RFX2: variants seen among roughly 807,000 people sequenced by gnomAD.
The protein encoded by RFX2 is DNA-binding protein RFX2.
A neutral mutation model predicts 87.8 loss-of-function variants in RFX2; 20 were observed. The ratio of observed to expected loss-of-function variants is 0.23; its 90% CI spans 0.16 to 0.33. RFX2 has a LOEUF of 0.33. Ranked by LOEUF, RFX2 falls within the 10% of genes least tolerant of loss-of-function variation. The pLI, the probability that RFX2 is intolerant of heterozygous loss-of-function variation, is 1.00. For missense variants in RFX2, 767 were observed against 1,012.3 expected, an observed-to-expected ratio of 0.76 and a Z score of 3.29; for synonymous variants, 397 against 431.3, an observed-to-expected ratio of 0.92 and a Z score of 0.98.
In RFX2 at chr19:5,998,299, C is replaced by T. The variant is rs1285005964; in HGVS notation, c.1860-1086G>A. On this transcript the variant is annotated intron_variant, in intron 15 of 17. Coordinates refer to ENST00000303657, the MANE Select transcript of RFX2 (RefSeq NM_000635.4). This position sits in a 1 kb window ranked among gnomAD's most constrained non-coding sequence, Gnocchi z 4.2. ...CTCTAGCCTGGGTGACAGAGCAACA[C>T]TCCATCTCAAAAAAAAAGAATGAAG... Among the ~76,000 whole-genome samples, 2 of 151,134 alleles carry T rather than the reference C, an allele frequency of 1.3e-5. No individual in the cohort carries two copies. The highest frequency in any genetic ancestry group is 3.0e-5 in the Non-Finnish European group (2 of 67,778).
At chr19:6,093,583 A>T (rs1310532857) in intron 1 of RFX2, among the ~76,000 whole-genome samples, 1 of 152,160 alleles carries the variant, frequency 6.6e-6, no homozygotes, top group Non-Finnish European at 1.5e-5. Context: ...TACTTAGGAC[A>T]GGAGTGGAAT....
Position 6,011,976 on chromosome 19 carries a change from T to C in RFX2, c.899+1010A>G, listed in dbSNP as rs2144699236. On this transcript the variant is annotated intron_variant, in intron 8 of 17. Coordinates refer to ENST00000303657, the MANE Select transcript of RFX2 (RefSeq NM_000635.4). The surrounding 1 kb of genome is among the most constrained non-coding windows in gnomAD (Gnocchi z 4.8). Reference sequence around the variant, plus strand: ...GGGCCAATTCTGCTGTTTGTTTTTATAAATAAAGTTTTACTGGCACACAGC... The same window carrying C: ...GGGCCAATTCTGCTGTTTGTTTTTACAAATAAAGTTTTACTGGCACACAGC... 6.6e-6 allele frequency: 1 copy of C among 152,400 alleles called. No individual in the cohort carries two copies. The highest frequency in any genetic ancestry group is 2.1e-4 in the South Asian group (1 of 4,830). 9.4% of individuals were successfully genotyped at this position (152,400 alleles called of 1,614,324 possible).
intron 1 of RFX2, chr19:6,109,282 C>A (rs1282804354): frequency 6.6e-6 from 1 of 152,050 alleles, no homozygotes; most frequent in African/African-American, 2.4e-5. Context: ...CGTGGAAAGA[C>A]TGGCGGACGC....
chr19:6,072,829 G>T lies in RFX2; in HGVS notation c.-8-25325C>A, dbSNP rs375976384. ...CTGTCTCCTCCTCAGCATCATGGCC[G>T]CCCTCAGACCCCTCGTGAAGCCCAA... On this transcript the variant is annotated intron_variant, in intron 1 of 17. Transcript: ENST00000303657. The T allele has an allele frequency of 1.0e-5, 13 of 1,269,412 alleles. No homozygotes were observed. The African/African-American group carries it at 1.3e-4, about 13-fold the overall frequency. 78.6% of individuals were successfully genotyped at this position (1,269,412 alleles called of 1,614,324 possible). A position where few individuals can be genotyped will look rare whatever the true frequency, so the allele number is the denominator to read the frequency against.
rs2086507308 is a variant in RFX2, at chr19:6,002,643, G to A, written c.1650+78C>T. On this transcript the variant is annotated intron_variant, in intron 14 of 17. Coordinates refer to ENST00000303657, the MANE Select transcript of RFX2 (RefSeq NM_000635.4). The surrounding 1 kb of genome is among the most constrained non-coding windows in gnomAD (Gnocchi z 6.7). ...CGGGGCAGGGGCCAGGTTGTGCCAC[G>A]GGCTCCACTTGGTGGGTTTGCTGGT... 7.7e-6 allele frequency: 12 copies of A among 1,559,084 alleles called. No individual in the cohort carries two copies. Among genetic ancestry groups the A allele is most frequent in the Admixed American group, 5.1e-5 (3 of 58,514 alleles).
At position 6,078,996 on chromosome 19, in the gene RFX2, G is replaced by C. The variant is rs530018260; in HGVS notation, c.-9+31397C>G. On this transcript the variant is annotated intron_variant, in intron 1 of 17. Coordinates refer to ENST00000303657, the MANE Select transcript of RFX2 (RefSeq NM_000635.4). ...TCACCATGTTGGCCAGGCTGGTCTCGAACTCCTGACCTCAAGAGAGCCACC... is the reference window on the plus strand; with the variant it reads ...TCACCATGTTGGCCAGGCTGGTCTCCAACTCCTGACCTCAAGAGAGCCACC... 1.5e-4 allele frequency among the ~76,000 whole-genome samples: 23 copies of C among 152,282 alleles called. No individual in the cohort carries two copies. The South Asian group carries it at 3.3e-3, about 22-fold the overall frequency.
intron 1 of RFX2, among the ~76,000 whole-genome samples, chr19:6,087,940 G>C (rs2087877362): frequency 6.6e-6 from 1 of 152,092 alleles, no homozygotes; most frequent in Admixed American, 6.5e-5. Context: ...TCATCATCTA[G>C]AGCAGTAATT....
At chr19:6,030,379 CAT>C (rs1476645801) in intron 5 of RFX2, among the ~76,000 whole-genome samples, 1 of 152,170 alleles carries the variant, frequency 6.6e-6, no homozygotes, top group Non-Finnish European at 1.5e-5. Flanking sequence ...GAAAAACCCA[CAT>C]GTCAATGAGC....
rs1209521898 is a variant in RFX2 at position 6,023,674 on chromosome 19, A to T, written c.597+2489T>A. Among the ~76,000 whole-genome samples, 1 of 152,224 alleles carries T rather than the reference A, an allele frequency of 6.6e-6. No homozygotes were observed. Among genetic ancestry groups the T allele is most frequent in the Non-Finnish European group, 1.5e-5 (1 of 68,038 alleles). On this transcript the variant is annotated intron_variant, in intron 6 of 17. Transcript: ENST00000303657. The surrounding 1 kb of genome is among the most constrained non-coding windows in gnomAD (Gnocchi z 4.9). Reference sequence around the variant, plus strand: ...CTTCAGCTCGGGAATACGAATCTTCATCGGGGAAGCGACCTGAGAAAGTCT... The same window carrying T: ...CTTCAGCTCGGGAATACGAATCTTCTTCGGGGAAGCGACCTGAGAAAGTCT...
chr19:6,090,164 C>T (rs2087912966), intron 1 of RFX2, among the ~76,000 whole-genome samples: 1 of 152,044 alleles, frequency 6.6e-6, no homozygotes, highest in Non-Finnish European at 1.5e-5. Context: ...GACAGGGTTT[C>T]ACCATGTTGC....
intron 1 of RFX2, among the ~76,000 whole-genome samples, chr19:6,059,490 C>T (rs1023701497): frequency 1.3e-5 from 2 of 152,130 alleles, no homozygotes; most frequent in Non-Finnish European, 2.9e-5. Flanking sequence ...ACTTCAACAC[C>T]ACAAAACTTG....
At chr19:6,070,509 C>T (rs993536926) in intron 1 of RFX2, among the ~76,000 whole-genome samples, 5 of 152,006 alleles carry the variant, frequency 3.3e-5, no homozygotes, top group Non-Finnish European at 5.9e-5. Flanking sequence ...TGAAGCCACA[C>T]GATAGGGCCT....
Position 6,026,036 on chromosome 19 carries a change from T to C in RFX2, c.597+127A>G, listed in dbSNP as rs2086884691. 5.5e-6 allele frequency: 4 copies of C among 731,440 alleles called. No individual in the cohort carries two copies. The highest frequency in any genetic ancestry group is 4.9e-5 in the Admixed American group (2 of 40,786). 45.3% of individuals were successfully genotyped at this position (731,440 alleles called of 1,614,324 possible). A position where few individuals can be genotyped will look rare whatever the true frequency, so the allele number is the denominator to read the frequency against. The stretch of plus-strand genomic sequence containing the variant: ...CTGACTTCAAGTGATCCACCCGCCT[T>C]GGCCTCCCAAAGTGCTGGGATTACA... On this transcript the variant is annotated intron_variant, in intron 6 of 17. Transcript: ENST00000303657. This position sits in a 1 kb window ranked among gnomAD's most constrained non-coding sequence, Gnocchi z 4.5.
Position 6,016,235 on chromosome 19 carries a change from C to T in RFX2, c.634G>A (p.Gly212Ser). 6.2e-7 allele frequency: 1 copy of T among 1,610,674 alleles called. No individual in the cohort carries two copies. The highest frequency in any genetic ancestry group is 8.5e-7 in the Non-Finnish European group (1 of 1,178,152). ...WLLDNYETAE[G>S]VSLPRSSLYN... is the part of the protein sequence containing the mutation. ...AGAGAACTTCTGGGGAGACTCACAC[C>T]TTCCGCTGTTTCATAATTATCCAAC... The change falls in exon 7 of 18, where the codon GGT becomes AGT. Residue 212 changes from glycine to serine, a missense_variant. By Grantham distance (56) the Gly-to-Ser change is moderately conservative. Transcript: ENST00000303657. The surrounding 1 kb of genome is among the most constrained non-coding windows in gnomAD (Gnocchi z 5.4).
rs917902256 is a variant in RFX2, at chr19:5,998,295, A to G, written c.1860-1082T>C. 1.3e-5 allele frequency among the ~76,000 whole-genome samples: 2 copies of G among 152,074 alleles called. No individual in the cohort carries two copies. The highest frequency in any genetic ancestry group is 2.9e-5 in the Non-Finnish European group (2 of 68,002). On this transcript the variant is annotated intron_variant, in intron 15 of 17. Coordinates refer to ENST00000303657, the MANE Select transcript of RFX2 (RefSeq NM_000635.4). The surrounding 1 kb of genome is among the most constrained non-coding windows in gnomAD (Gnocchi z 4.2). ...TGCACTCTAGCCTGGGTGACAGAGC[A>G]ACACTCCATCTCAAAAAAAAAGAAT... is the stretch of plus-strand genomic sequence containing the variant.
intron 5 of RFX2, among the ~76,000 whole-genome samples, chr19:6,032,542 C>T (rs1296062924): frequency 6.6e-6 from 1 of 152,164 alleles, no homozygotes; most frequent in Non-Finnish European, 1.5e-5. Flanking sequence ...CGCTGTGGTC[C>T]AGGCAGAGGA....
At chr19:6,018,417 A>G (rs1352616300) in intron 6 of RFX2, among the ~76,000 whole-genome samples, 2 of 152,218 alleles carry the variant, frequency 1.3e-5, no homozygotes, top group Non-Finnish European at 2.9e-5. Flanking sequence ...GGGTTGACCC[A>G]GGGCCACAGT....
In RFX2 at chr19:6,002,787, C is replaced by T. The variant is rs61731068; in HGVS notation, c.1584G>A (p.Leu528=). The change falls in exon 14 of 18, where the codon CTG becomes CTA. Residue 528 remains leucine (L), a synonymous_variant. Coordinates refer to ENST00000303657, the MANE Select transcript of RFX2 (RefSeq NM_000635.4). The surrounding 1 kb of genome is among the most constrained non-coding windows in gnomAD (Gnocchi z 6.7). ...TCTGGTTGATCTGGGACGTGTTCTG[C>T]AGCACCGCCCGGGCCGCCTGCGCCA... ...NHLAQAARAV[L]QNTSQINQML... is the part of the protein sequence containing the mutation. 6.2e-7 allele frequency: 1 copy of T among 1,613,892 alleles called. No homozygotes were observed. Among genetic ancestry groups the T allele is most frequent in the South Asian group, 1.1e-5 (1 of 91,072 alleles).
At chr19:6,034,607 C>T (rs1019401079) in intron 5 of RFX2, among the ~76,000 whole-genome samples, 2 of 152,152 alleles carry the variant, frequency 1.3e-5, no homozygotes, top group African/African-American at 2.4e-5. Context: ...GGTGATCCTC[C>T]CACCTTAGCT....
Sources: allele counts gnomAD v4.1 joint callset (sites outside exome capture counted in the v4.1 genomes callset), GRCh38; gene constraint gnomAD v4.1.1; non-coding constraint Gnocchi (gnomAD v3.1); transcripts MANE v1.5; gene names NCBI Gene and HGNC (gene_info 2026-07-23, HGNC 2026-07-21).